Variants in SLC35F3 observed in about 807,000 individuals in gnomAD.
The protein encoded by SLC35F3 is solute carrier family 35 member F3, also known as putative thiamine transporter SLC35F3.
In SLC35F3, 25 loss-of-function variants were observed where a neutral mutation model predicts 49.9. That is an observed-to-expected ratio of 0.50 (90% CI 0.37 to 0.70). The LOEUF (loss-of-function observed/expected upper bound fraction) is 0.70, where lower values mean the gene tolerates loss of function less well. Among genes scored for constraint, SLC35F3 ranks in the 30% least tolerant of loss-of-function variants. The pLI is 0.00. For missense variants in SLC35F3, 525 were observed against 639.8 expected (o/e 0.82, Z 1.94); for synonymous variants, 275 against 265.4 (o/e 1.04, Z -0.35).
intron 2 of SLC35F3, among the ~76,000 whole-genome samples, chr1:234,094,859 TATCTCTGTCTA>T (rs1665094830): frequency 1.3e-5 from 2 of 152,208 alleles, no homozygotes; most frequent in African/African-American, 4.8e-5. Flanking sequence ...TCAGTCTGCC[TATCTCTGTCTA>T]GTACATGGGT....
At chr1:234,058,966 G>T (rs1348701283) in intron 2 of SLC35F3, among the ~76,000 whole-genome samples, 1 of 152,036 alleles carries the variant, frequency 6.6e-6, no homozygotes, top group Non-Finnish European at 1.5e-5. Flanking sequence ...GCATACAATT[G>T]TTCTTAGTAT....
At chr1:234,142,365 C>A (rs1256071012) in intron 2 of SLC35F3, among the ~76,000 whole-genome samples, 1 of 152,138 alleles carries the variant, frequency 6.6e-6, no homozygotes, top group East Asian at 1.9e-4. Context: ...AGATGCTGTT[C>A]ATGAACAAGA....
At chr1:234,075,567 C>G (rs532334260) in intron 2 of SLC35F3, among the ~76,000 whole-genome samples, 192 of 152,248 alleles carry the variant, frequency 1.3e-3, no homozygotes, top group African/African-American at 4.4e-3. Context: ...CAAATCATTC[C>G]GCACTGAGAA....
chr1:233,910,359 A>T (rs557514177), intron 2 of SLC35F3, among the ~76,000 whole-genome samples: 1 of 152,350 alleles, frequency 6.6e-6, no homozygotes, highest in South Asian at 2.1e-4. Flanking sequence ...GCATTTCCAT[A>T]CAGGAATGAT....
chr1:234,108,380 A>C (rs1244981236), intron 2 of SLC35F3, among the ~76,000 whole-genome samples: 1 of 95,584 alleles, frequency 1.0e-5, no homozygotes, highest in African/African-American at 3.4e-5. Flanking sequence ...TATTATTTAT[A>C]TATATAAAAG....
At chr1:234,220,030 C>T (rs72760028) in intron 2 of SLC35F3, among the ~76,000 whole-genome samples, 5,348 of 152,168 alleles carry the variant, frequency 0.035, 148 homozygotes, top group Middle Eastern at 0.095. Flanking sequence ...TAAGCTAGAC[C>T]ATGGGCAGAT....
chr1:234,272,669 T>C (rs1444616316), intron 3 of SLC35F3, among the ~76,000 whole-genome samples: 1 of 152,252 alleles, frequency 6.6e-6, no homozygotes, highest in Non-Finnish European at 1.5e-5. Context: ...TTTCTGAAGA[T>C]GCTTCTAGAA....
chr1:234,263,752 G>A (rs1483108436), intron 3 of SLC35F3, among the ~76,000 whole-genome samples: 1 of 152,196 alleles, frequency 6.6e-6, no homozygotes, highest in Admixed American at 6.5e-5. Flanking sequence ...TGTCACCCAC[G>A]AGAAAGCTAG....
At chr1:234,175,250 C>A (rs889662681) in intron 2 of SLC35F3, among the ~76,000 whole-genome samples, 5 of 152,260 alleles carry the variant, frequency 3.3e-5, no homozygotes, top group African/African-American at 4.8e-5. Flanking sequence ...GGAAAATCCT[C>A]TTCATTTTGG....
intron 2 of SLC35F3, among the ~76,000 whole-genome samples, chr1:234,178,882 T>C (rs1321043182): frequency 2.6e-5 from 4 of 152,230 alleles, no homozygotes; most frequent in Non-Finnish European, 1.5e-5. Flanking sequence ...ATCATTACAG[T>C]ATCAGAGCCA....
intron 3 of SLC35F3, among the ~76,000 whole-genome samples, chr1:234,299,070 C>G (rs555339509): frequency 2.0e-5 from 3 of 152,306 alleles, no homozygotes; most frequent in South Asian, 2.1e-4. Context: ...GCTAGAAATT[C>G]AAGGCTGGCA....
intron 3 of SLC35F3, among the ~76,000 whole-genome samples, chr1:234,307,982 G>A (rs1271479005): frequency 1.3e-5 from 2 of 152,138 alleles, no homozygotes; most frequent in Non-Finnish European, 2.9e-5. Context: ...GTAGAAGACT[G>A]GCTTTAATTT....
chr1:233,995,138 A>G (rs1414337423), intron 2 of SLC35F3, among the ~76,000 whole-genome samples: 1 of 152,388 alleles, frequency 6.6e-6, no homozygotes, highest in East Asian at 1.9e-4. Flanking sequence ...AACCGTCATC[A>G]ACATCATCAT....
At chr1:234,134,633 G>A (rs1665783510) in intron 2 of SLC35F3, among the ~76,000 whole-genome samples, 1 of 152,108 alleles carries the variant, frequency 6.6e-6, no homozygotes, top group Non-Finnish European at 1.5e-5. Context: ...CAACCAGAAA[G>A]GTTTGGAAAA....
At chr1:234,239,529 G>T (rs967820589) in intron 3 of SLC35F3, among the ~76,000 whole-genome samples, 2 of 152,188 alleles carry the variant, frequency 1.3e-5, no homozygotes, top group Non-Finnish European at 2.9e-5. Context: ...AGGACTTTGA[G>T]GATTCTCTGA....
At chr1:234,069,310 T>C (rs1454493797) in intron 2 of SLC35F3, among the ~76,000 whole-genome samples, 1 of 147,714 alleles carries the variant, frequency 6.8e-6, no homozygotes, top group Non-Finnish European at 1.5e-5. Flanking sequence ...CAGGCTGGAG[T>C]GCAGTGGTGC....
rs111391928 is a variant in SLC35F3 at position 234,311,219 on chromosome 1, C to A, written c.828+1899C>A. On this transcript the variant is annotated intron_variant, in intron 4 of 7. Coordinates refer to ENST00000366618, the MANE Select transcript of SLC35F3 (RefSeq NM_173508.4). Reference sequence around the variant, plus strand: ...AGGTTGTGTTGGAACTCCCTCTTCTCTTCTTCAGGAGTTCAGAGAGCTAGC... The same window carrying A: ...AGGTTGTGTTGGAACTCCCTCTTCTATTCTTCAGGAGTTCAGAGAGCTAGC... 8.1e-3 allele frequency among the ~76,000 whole-genome samples: 1,227 copies of A among 151,924 alleles called. 7 individuals are homozygous for A. The highest frequency in any genetic ancestry group is 0.02 in the Middle Eastern group (6 of 294).
intron 2 of SLC35F3, among the ~76,000 whole-genome samples, chr1:234,139,975 A>AAAATAAAATAAAATAAAAT (rs1665873461): frequency 1.4e-5 from 2 of 139,298 alleles, no homozygotes; most frequent in Admixed American, 7.2e-5. Flanking sequence ...AAAATAAAAT[A>AAAATAAAATAAAATAAAAT]AAATAAAATA....
At chr1:234,302,012 G>A (rs1014673043) in intron 3 of SLC35F3, among the ~76,000 whole-genome samples, 3 of 152,092 alleles carry the variant, frequency 2.0e-5, no homozygotes, top group African/African-American at 7.2e-5. Flanking sequence ...ACACAGAGAG[G>A]GGAACAACAC....
Sources: gnomAD v4.1 joint callset for allele counts (sites outside exome capture counted in the v4.1 genomes callset) on GRCh38, gnomAD v4.1.1 for gene constraint, MANE v1.5 for transcripts, NCBI Gene and HGNC (gene_info 2026-07-23, HGNC 2026-07-21) for gene names.